The following PPIP5K2 variants were observed in gnomAD, a reference collection of about 807,000 sequenced individuals.
PPIP5K2 encodes diphosphoinositol pentakisphosphate kinase 2.
PPIP5K2 carries 105 observed loss-of-function variants against 154.6 expected under a neutral mutation model. The ratio of observed to expected loss-of-function variants is 0.68; its 90% CI spans 0.58 to 0.80. The LOEUF (loss-of-function observed/expected upper bound fraction) is 0.80. Among genes scored for constraint, PPIP5K2 ranks in the 30% least tolerant of loss-of-function variants. The pLI is 0.00. For missense variants in PPIP5K2, 992 were observed against 1,504.6 expected (o/e 0.66, Z 5.64); for synonymous variants, 480 against 490.3 (o/e 0.98, Z 0.28).
intron 17 of PPIP5K2, among the ~76,000 whole-genome samples, chr5:103,163,187 G>A (rs1009665968): frequency 6.8e-6 from 1 of 146,894 alleles, no homozygotes. Context: ...GATATCTGTA[G>A]TTTGTGCAAA....
At chr5:103,138,035 A>G (rs1554205043) in intron 4 of PPIP5K2, among the ~76,000 whole-genome samples, 1 of 152,156 alleles carries the variant, frequency 6.6e-6, no homozygotes, top group African/African-American at 2.4e-5. Flanking sequence ...ATTAAATACT[A>G]TTTAAGCATA....
chr5:103,177,083 A>G (rs563997179), intron 21 of PPIP5K2, among the ~76,000 whole-genome samples: 18 of 152,070 alleles, frequency 1.2e-4, no homozygotes, highest in African/African-American at 2.4e-4. Flanking sequence ...ATATGATACT[A>G]TACTAGGTAC....
intron 5 of PPIP5K2, among the ~76,000 whole-genome samples, chr5:103,140,161 A>T (rs1792308537): frequency 6.6e-6 from 1 of 152,122 alleles, no homozygotes; most frequent in Non-Finnish European, 1.5e-5. Flanking sequence ...AAAAAAAAAA[A>T]AAAAATCTTA....
intron 28 of PPIP5K2, among the ~76,000 whole-genome samples, chr5:103,189,678 T>A (rs1468437624): frequency 1.3e-5 from 2 of 152,058 alleles, no homozygotes; most frequent in Non-Finnish European, 2.9e-5. Flanking sequence ...GACATATCAC[T>A]TTTGCAAGTC....
chr5:103,163,720 G>A (rs1384235440), intron 17 of PPIP5K2, among the ~76,000 whole-genome samples: 3 of 151,674 alleles, frequency 2.0e-5, no homozygotes, highest in Non-Finnish European at 4.4e-5. Context: ...TTATAAAAAC[G>A]TACTGAATTT....
In PPIP5K2 at chr5:103,120,466, C is replaced by A; in HGVS notation, c.-307C>A. ...GGCTTGACCATCTCACAACTGCTCG[C>A]GTGACGACCGCATTCGTGGCAGGTG... On this transcript the variant is annotated 5_prime_UTR_variant, in exon 1 of 31. Transcript: ENST00000358359. The A allele has an allele frequency of 6.6e-6, 3 of 456,710 alleles. No individual in the cohort carries two copies. The highest frequency in any genetic ancestry group is 4.6e-5 in the South Asian group (3 of 64,574). The allele number at this position is 456,710 out of a possible 1,614,324, so 28.3% of individuals were successfully genotyped here.
intron 5 of PPIP5K2, among the ~76,000 whole-genome samples, chr5:103,145,610 CTTATG>C (rs1467018315): frequency 4.0e-5 from 6 of 151,660 alleles, no homozygotes; most frequent in African/African-American, 1.5e-4. Context: ...AACTGGAGGT[CTTATG>C]TTAAGTGAAA....
At chr5:103,172,414 A>C (rs1391718544) in intron 19 of PPIP5K2, among the ~76,000 whole-genome samples, 1 of 151,018 alleles carries the variant, frequency 6.6e-6, no homozygotes, top group East Asian at 1.9e-4. Flanking sequence ...ATAGCCTTTA[A>C]GTTGAAATAT....
At chr5:103,165,164 G>A (rs979617923) in intron 17 of PPIP5K2, among the ~76,000 whole-genome samples, 5 of 152,042 alleles carry the variant, frequency 3.3e-5, no homozygotes, top group Non-Finnish European at 7.4e-5. Context: ...GAGTGTTGCT[G>A]CTAAATTTTC....
chr5:103,198,623 T>C (rs1370304817), intron 30 of PPIP5K2, among the ~76,000 whole-genome samples: 3 of 152,200 alleles, frequency 2.0e-5, no homozygotes, highest in African/African-American at 7.2e-5. Flanking sequence ...ATATTCTTAA[T>C]AAATTGACTC....
chr5:103,198,068 A>G (rs937683576), intron 30 of PPIP5K2, among the ~76,000 whole-genome samples: 3 of 152,068 alleles, frequency 2.0e-5, no homozygotes, highest in Non-Finnish European at 2.9e-5. Context: ...GAGTCTCACA[A>G]AAGTTATATT....
At position 103,175,421 on chromosome 5, in the gene PPIP5K2, AAG is replaced by A. The variant is rs1324312261; in HGVS notation, c.2529+1450_2529+1451del. On this transcript the variant is annotated intron_variant, in intron 21 of 30. Transcript: ENST00000358359. ...ATGACCCTTAATTAGCAAGGCAAAA[AAG>A]CTTGTATATCCAGTAGTATTGATGG... Among the ~76,000 whole-genome samples the A allele has an allele frequency of 7.8e-4, 106 of 136,606 alleles. 1 individual carries two copies. The highest frequency in any genetic ancestry group is 1.1e-3 in the Non-Finnish European group (71 of 61,982). The allele number at this position is 136,606 out of a possible 152,430, so 89.6% of individuals were successfully genotyped here. A position where few individuals can be genotyped will look rare whatever the true frequency, so the allele number is the denominator to read the frequency against.
chr5:103,144,716 A>G (rs1371677414), intron 5 of PPIP5K2, among the ~76,000 whole-genome samples: 3 of 152,168 alleles, frequency 2.0e-5, no homozygotes, highest in Admixed American at 6.5e-5. Context: ...CTTGATATCT[A>G]TATCCAGAAT....
In PPIP5K2 at chr5:103,204,498, G is replaced by A. The variant is rs1286371481; in HGVS notation, c.*2864G>A. The A allele has an allele frequency of 1.3e-5, 2 of 152,152 alleles. No individual in the cohort carries two copies. The highest frequency in any genetic ancestry group is 2.9e-5 in the Non-Finnish European group (2 of 68,060). 9.4% of individuals were successfully genotyped at this position (152,152 alleles called of 1,614,324 possible). A position where few individuals can be genotyped will look rare whatever the true frequency, so the allele number is the denominator to read the frequency against. On this transcript the variant is annotated 3_prime_UTR_variant, in exon 31 of 31. Transcript: ENST00000358359. ...CTCATTCTGTCACCCCAGCTGGAGT[G>A]CAGTGGCACAGTCTTAATTCACTAC...
At chr5:103,132,804 C>T (rs17155091) in intron 2 of PPIP5K2, among the ~76,000 whole-genome samples, 1,864 of 152,166 alleles carry the variant, frequency 0.012, 34 homozygotes, top group African/African-American at 0.043. Flanking sequence ...ACTCATAAAT[C>T]AGTTTCTATA....
rs991097105 is a variant in PPIP5K2, at chr5:103,205,327, G to A, written c.*3693G>A. On this transcript the variant is annotated 3_prime_UTR_variant, in exon 31 of 31. Transcript: ENST00000358359. ...ATACGTGTGCATGTGTCTTTATAGT[G>A]GCATGATTTATAATCCTTTGGGTAT... is the stretch of plus-strand genomic sequence containing the variant. The A allele has an allele frequency of 6.6e-6, 1 of 152,106 alleles. No homozygotes were observed. Among genetic ancestry groups the A allele is most frequent in the Non-Finnish European group, 1.5e-5 (1 of 68,010 alleles). The allele number at this position is 152,106 out of a possible 1,614,324, so 9.4% of individuals were successfully genotyped here. A position where few individuals can be genotyped will look rare whatever the true frequency, so the allele number is the denominator to read the frequency against.
chr5:103,137,538 C>T (rs1266159877), intron 4 of PPIP5K2, among the ~76,000 whole-genome samples: 2 of 152,130 alleles, frequency 1.3e-5, no homozygotes, highest in Non-Finnish European at 2.9e-5. Context: ...ATTCATTTAA[C>T]AGGTAAAAAG....
intron 1 of PPIP5K2, chr5:103,120,808 G>A (rs1788538756): frequency 3.7e-6 from 1 of 273,310 alleles, no homozygotes; most frequent in South Asian, 3.5e-5. Context: ...TGGCTCCACT[G>A]AAGTGATTAG....
At chr5:103,152,399 A>G (rs1409878352) in intron 9 of PPIP5K2, among the ~76,000 whole-genome samples, 1 of 151,894 alleles carries the variant, frequency 6.6e-6, no homozygotes, top group Non-Finnish European at 1.5e-5. Flanking sequence ...TTTGAATCCA[A>G]TGTTGATTGA....
Sources: gnomAD v4.1 joint callset for allele counts (sites outside exome capture counted in the v4.1 genomes callset) on GRCh38, gnomAD v4.1.1 for gene constraint, MANE v1.5 for transcripts, NCBI Gene and HGNC (gene_info 2026-07-23, HGNC 2026-07-21) for gene names.